The following E2F7 variants were observed in gnomAD, a reference collection of about 807,000 sequenced individuals.
The protein encoded by E2F7 is transcription factor E2F7.
Under a neutral mutation model 81.1 loss-of-function variants are expected in E2F7, and 35 were observed. The ratio of observed to expected loss-of-function variants is 0.43; its 90% CI spans 0.33 to 0.57. The LOEUF is 0.57. Ranked by LOEUF, E2F7 falls within the 20% of genes least tolerant of loss-of-function variation. The pLI is 0.04. For synonymous variants in E2F7, 416 were observed against 416.2 expected (o/e 1.00, Z 0.01); for missense variants, 961 against 1,093.7 (o/e 0.88, Z 1.71).
intron 5 of E2F7, among the ~76,000 whole-genome samples, chr12:77,045,074 C>A (rs1199677549): frequency 6.6e-6 from 1 of 152,118 alleles, no homozygotes; most frequent in African/African-American, 2.4e-5. Flanking sequence ...TAATAGAATC[C>A]ATACGGTAGT....
intron 2 of E2F7, among the ~76,000 whole-genome samples, chr12:77,057,850 A>T (rs1230292364): frequency 1.3e-5 from 2 of 152,228 alleles, no homozygotes; most frequent in African/African-American, 4.8e-5. Context: ...ACAAAGGTAG[A>T]TGAGTTCTCA....
rs372533999 is a variant in E2F7, at chr12:77,028,000, C to G, written c.2023G>C (p.Val675Leu). ...GAAGGATTTCCCCACTCAGAAGAAA[C>G]AAGAGAGTTTGCTGTTGCCTTTCCT... ...ISGKATANSL[V>L]SSEWGNPSRN... Residue 675 changes from valine to leucine, a missense_variant, in exon 11 of 13, where the codon GTT (valine) becomes CTT (leucine). By Grantham distance (32) the Val-to-Leu change is conservative. This residue lies in a region of E2F7 where 587 missense variants were observed against 620.3 expected (regional missense o/e 0.95). Transcript: ENST00000322886. The G allele has an allele frequency of 6.2e-7, 1 of 1,614,020 alleles. No individual in the cohort carries two copies. The highest frequency in any genetic ancestry group is 1.3e-5 in the African/African-American group (1 of 74,912).
At chr12:77,059,450 TAA>T (rs1329807781) in intron 2 of E2F7, among the ~76,000 whole-genome samples, 1 of 152,214 alleles carries the variant, frequency 6.6e-6, no homozygotes, top group Admixed American at 6.5e-5. Flanking sequence ...TCCGTAGGTA[TAA>T]AATGAGGAAT....
Position 77,022,621 on chromosome 12 carries a change from A to T in E2F7, c.*1394T>A, listed in dbSNP as rs1401902065. The T allele has an allele frequency of 1.3e-5, 2 of 152,570 alleles. No homozygotes were observed. The highest frequency in any genetic ancestry group is 4.8e-5 in the African/African-American group (2 of 41,430). 9.5% of individuals were successfully genotyped at this position (152,570 alleles called of 1,614,324 possible). ...TCTAAGATAGTTTTAAGAGAGGAAGAGGAAGGAAGAAAAGAAGTAGGAAGG... is the reference window on the plus strand; with the variant it reads ...TCTAAGATAGTTTTAAGAGAGGAAGTGGAAGGAAGAAAAGAAGTAGGAAGG... On this transcript the variant is annotated 3_prime_UTR_variant, in exon 13 of 13. Coordinates refer to ENST00000322886, the MANE Select transcript of E2F7 (RefSeq NM_203394.3).
intron 8 of E2F7, 36 bp from the exon 9 acceptor site, chr12:77,033,158 A>G: frequency 6.3e-7 from 1 of 1,576,182 alleles, no homozygotes; most frequent in Non-Finnish European, 8.7e-7. Context: ...AAATATAGCA[A>G]GAGACTTATA....
chr12:77,034,335 G>C (rs1439168394), intron 7 of E2F7, among the ~76,000 whole-genome samples: 1 of 152,100 alleles, frequency 6.6e-6, no homozygotes, highest in Non-Finnish European at 1.5e-5. Context: ...ACCCGAATTA[G>C]AATGAGCCTC....
In E2F7 at chr12:77,056,085, T is replaced by C. The variant is rs779489909; in HGVS notation, c.139A>G (p.Ile47Val). ...GATAAATCAATTGGTTCATTTTTTA[T>C]TGGAGTCTTCGGGGCCATCCTTGAT... ...DRSRMAPKTP[I>V]KNEPIDLSKQ... The change falls in exon 3 of 13, where the codon ATA (isoleucine) becomes GTA (valine). Residue 47 changes from isoleucine (I) to valine (V), a missense_variant. Ile to Val is a conservative substitution (Grantham distance 29). This residue lies in a region of E2F7 where 73 missense variants were observed against 68.4 expected (regional missense o/e 1.07). Transcript: ENST00000322886. The C allele has an allele frequency of 6.6e-5, 106 of 1,613,930 alleles. No homozygotes were observed. Among genetic ancestry groups the C allele is most frequent in the Admixed American group, 1.7e-4 (10 of 59,960 alleles).
At position 77,025,727 on chromosome 12, in the gene E2F7, G is replaced by A. The variant is rs1255592717; in HGVS notation, c.2396C>T (p.Thr799Ile). Residue 799 changes from threonine (T) to isoleucine (I), a missense_variant, in exon 12 of 13, where the codon ACA becomes ATA. Transcript: ENST00000322886. ...GSIAQLLVGPTAVVNPKSSTL... is the reference protein window; with the variant it reads ...GSIAQLLVGPIAVVNPKSSTL... ...GGACGACTTTGGATTAACCACAGCT[G>A]TGGGGCCGACGAGAAGCTGGGCTAT... 6.2e-6 allele frequency: 10 copies of A among 1,614,066 alleles called. No homozygotes were observed. The highest frequency in any genetic ancestry group is 2.2e-5 in the South Asian group (2 of 91,078).
intron 2 of E2F7, among the ~76,000 whole-genome samples, chr12:77,058,450 T>C (rs986259001): frequency 6.6e-6 from 1 of 152,136 alleles, no homozygotes; most frequent in Non-Finnish European, 1.5e-5. Context: ...CACTTAAAAA[T>C]GAGCCTGTGT....
intron 3 of E2F7, among the ~76,000 whole-genome samples, chr12:77,051,828 C>T (rs929134185): frequency 1.1e-4 from 16 of 151,974 alleles, no homozygotes; most frequent in African/African-American, 2.2e-4. Flanking sequence ...CATGAGGACA[C>T]GAAAAAGAAA....
chr12:77,061,792 C>T (rs905112811), intron 2 of E2F7, among the ~76,000 whole-genome samples: 5 of 152,218 alleles, frequency 3.3e-5, no homozygotes, highest in Admixed American at 6.5e-5. Context: ...GCACCACTAG[C>T]TTCCAGCCAC....
At chr12:77,033,690 T>A (rs1184405663) in intron 8 of E2F7, among the ~76,000 whole-genome samples, 167 bp downstream of exon 8, 1 of 152,336 alleles carries the variant, frequency 6.6e-6, no homozygotes, top group South Asian at 2.1e-4. Context: ...TCTCCTTTGC[T>A]TCCAATAATT....
At chr12:77,063,327 T>C (rs958101024) in intron 2 of E2F7, among the ~76,000 whole-genome samples, 1 of 152,188 alleles carries the variant, frequency 6.6e-6, no homozygotes, top group Non-Finnish European at 1.5e-5. Context: ...TACGCCAAGG[T>C]TGCTAAGATC....
At chr12:77,033,817 G>T in intron 8 of E2F7, 40 bp downstream of exon 8, 1 of 1,512,756 alleles carries the variant, frequency 6.6e-7, no homozygotes, top group South Asian at 1.3e-5. Flanking sequence ...ACAGCTACAT[G>T]GCAACTGATG....
At chr12:77,036,429 G>C (rs1954849958) in intron 7 of E2F7, among the ~76,000 whole-genome samples, 1 of 152,118 alleles carries the variant, frequency 6.6e-6, no homozygotes, top group African/African-American at 2.4e-5. Flanking sequence ...GGAGGCTGAG[G>C]TGGGATGATT....
At chr12:77,033,806 T>C (rs1402428270) in intron 8 of E2F7, 51 bp downstream of exon 8, 5 of 1,499,042 alleles carry the variant, frequency 3.3e-6, no homozygotes, top group Non-Finnish European at 2.7e-6. Flanking sequence ...TGGCATGGGC[T>C]ACAGCTACAT....
chr12:77,059,282 A>G (rs1592568140), intron 2 of E2F7, among the ~76,000 whole-genome samples: 1 of 152,316 alleles, frequency 6.6e-6, no homozygotes, highest in East Asian at 1.9e-4. Context: ...CAGAAAGTCA[A>G]CTGCAATCTA....
intron 3 of E2F7, among the ~76,000 whole-genome samples, chr12:77,052,202 A>C (rs1310338711): frequency 6.6e-6 from 1 of 152,210 alleles, no homozygotes; most frequent in Non-Finnish European, 1.5e-5. Flanking sequence ...AAAGAGGTTA[A>C]TTTTTAATCT....
Position 77,034,913 on chromosome 12 carries a change from A to C in E2F7, c.1124-871T>G, listed in dbSNP as rs146288107. 4.3e-3 allele frequency among the ~76,000 whole-genome samples: 652 copies of C among 152,374 alleles called. 7 individuals carry two copies. The highest frequency in any genetic ancestry group is 0.015 in the African/African-American group (622 of 41,596). On this transcript the variant is annotated intron_variant, in intron 7 of 12. Coordinates refer to ENST00000322886, the MANE Select transcript of E2F7 (RefSeq NM_203394.3). ...TCACCTTCACAGTTTTCTTTTTCTT[A>C]CAACAAAAGCCCAATTAGAAAAATC...
Sources: gnomAD v4.1 joint callset for allele counts (sites outside exome capture counted in the v4.1 genomes callset) on GRCh38, gnomAD v4.1.1 for gene constraint, gnomAD v4.1.1 regional missense constraint, MANE v1.5 for transcripts, NCBI Gene and HGNC (gene_info 2026-07-23, HGNC 2026-07-21) for gene names.